The following SHISA9 variants were observed in gnomAD, a reference collection of about 807,000 sequenced individuals.
The protein encoded by SHISA9 is shisa family member 9.
SHISA9 carries 13 observed loss-of-function variants against 38.0 expected under a neutral mutation model. That is an observed-to-expected ratio of 0.34 (90% confidence interval 0.22 to 0.54). The LOEUF is 0.54. Ranked by LOEUF, SHISA9 falls within the 20% of genes least tolerant of loss-of-function variation. The pLI is 0.91. For missense variants in SHISA9, 538 were observed against 575.8 expected, an observed-to-expected ratio of 0.93 and a Z score of 0.67; for synonymous variants, 275 against 242.0, an observed-to-expected ratio of 1.14 and a Z score of -1.27.
chr16:13,003,805 C>T (rs1304243568), intron 2 of SHISA9, among the ~76,000 whole-genome samples: 1 of 151,978 alleles, frequency 6.6e-6, no homozygotes, highest in Non-Finnish European at 1.5e-5. Context: ...TTGCAGTGAG[C>T]CGAGATCGCG....
At chr16:13,528,791 C>T in the SHISA9 span, among the ~76,000 whole-genome samples, 1 of 152,190 alleles carries the variant, frequency 6.6e-6, no homozygotes, top group Non-Finnish European at 1.5e-5. Context: ...AATGTGCCTA[C>T]GTAGTGTCTA....
the SHISA9 span, among the ~76,000 whole-genome samples, chr16:13,395,050 A>G: frequency 6.6e-6 from 1 of 151,748 alleles, no homozygotes; most frequent in South Asian, 2.1e-4. Context: ...CCAGAAGGGG[A>G]ATGATGAGGA....
the SHISA9 span, among the ~76,000 whole-genome samples, chr16:13,433,440 A>G: frequency 6.0e-4 from 91 of 152,324 alleles, 3 homozygotes; most frequent in Middle Eastern, 3.4e-3. Context: ...TATAATTGCT[A>G]TTATCTCTAT....
At chr16:13,546,075 C>T in the SHISA9 span, among the ~76,000 whole-genome samples, 5 of 152,168 alleles carry the variant, frequency 3.3e-5, no homozygotes, top group African/African-American at 1.2e-4. Flanking sequence ...CTCACTAATT[C>T]AGCCCTCTTG....
chr16:13,457,061 C>T, the SHISA9 span, among the ~76,000 whole-genome samples: 2 of 152,258 alleles, frequency 1.3e-5, no homozygotes, highest in Non-Finnish European at 2.9e-5. Flanking sequence ...AATCCCAGCA[C>T]TTTGGGAGGC....
intron 2 of SHISA9, among the ~76,000 whole-genome samples, chr16:12,928,355 G>T (rs2071420412): frequency 6.8e-6 from 1 of 147,820 alleles, no homozygotes; most frequent in African/African-American, 2.5e-5. Context: ...TGACTTTATA[G>T]GCTTTATAAT....
At chr16:12,950,335 A>T (rs948920333) in intron 2 of SHISA9, among the ~76,000 whole-genome samples, 12 of 152,228 alleles carry the variant, frequency 7.9e-5, no homozygotes, top group African/African-American at 2.9e-4. Context: ...AAGGGAGTGC[A>T]TATATCTCTT....
the SHISA9 span, among the ~76,000 whole-genome samples, chr16:13,446,571 G>A: frequency 6.6e-6 from 1 of 152,118 alleles, no homozygotes; most frequent in Non-Finnish European, 1.5e-5. Flanking sequence ...TTTGAGCTGG[G>A]GGTTAGAAGG....
the SHISA9 span, among the ~76,000 whole-genome samples, chr16:13,348,735 T>A: frequency 6.6e-6 from 1 of 151,938 alleles, no homozygotes; most frequent in African/African-American, 2.4e-5. Context: ...CTCAGGGAAG[T>A]GGGATCCTGT....
At chr16:12,919,767 C>T (rs527297081) in intron 2 of SHISA9, among the ~76,000 whole-genome samples, 11 of 152,166 alleles carry the variant, frequency 7.2e-5, no homozygotes, top group Admixed American at 2.0e-4. Context: ...TTTTCTTCAG[C>T]GGATGCTGTT....
the SHISA9 span, among the ~76,000 whole-genome samples, chr16:13,530,208 G>A: frequency 6.6e-6 from 1 of 152,214 alleles, no homozygotes; most frequent in East Asian, 1.9e-4. Context: ...GGCTGAAGCA[G>A]GAGAATCACC....
At chr16:13,432,773 A>G in the SHISA9 span, among the ~76,000 whole-genome samples, 1 of 152,172 alleles carries the variant, frequency 6.6e-6, no homozygotes, top group Non-Finnish European at 1.5e-5. Flanking sequence ...AGGGACATGG[A>G]TGAAGCTGGA....
chr16:13,025,753 T>C (rs758916341), intron 2 of SHISA9, among the ~76,000 whole-genome samples: 4 of 152,194 alleles, frequency 2.6e-5, no homozygotes, highest in Non-Finnish European at 5.9e-5. Context: ...TTTTTACTTT[T>C]TATTTTTACT....
In SHISA9 at chr16:13,240,305, A is replaced by C. The variant is rs939837578; in HGVS notation, c.*4896A>C. 6.6e-6 allele frequency: 1 copy of C among 152,256 alleles called. No individual in the cohort carries two copies. The highest frequency in any genetic ancestry group is 2.4e-5 in the African/African-American group (1 of 41,470). 9.4% of individuals were successfully genotyped at this position (152,256 alleles called of 1,614,324 possible). The stretch of plus-strand genomic sequence containing the variant: ...TTATGATACGAATAATTCTTCCTAC[A>C]ATGAAGAAAAAAACACATTTGTTTG... On this transcript the variant is annotated 3_prime_UTR_variant, in exon 5 of 5. Transcript: ENST00000558583.
chr16:13,453,509 C>G, the SHISA9 span, among the ~76,000 whole-genome samples: 3 of 152,208 alleles, frequency 2.0e-5, no homozygotes, highest in African/African-American at 4.8e-5. Context: ...GTCATGAGAA[C>G]AAGCCTGGGC....
chr16:13,044,514 T>G (rs1369217240), intron 2 of SHISA9, among the ~76,000 whole-genome samples: 2 of 152,202 alleles, frequency 1.3e-5, no homozygotes, highest in Non-Finnish European at 2.9e-5. Context: ...TCTTACAGAT[T>G]AGTGGGCACA....
the SHISA9 span, among the ~76,000 whole-genome samples, chr16:13,394,362 G>A: frequency 1.3e-5 from 2 of 152,198 alleles, no homozygotes; most frequent in East Asian, 3.9e-4. Context: ...TGCTGCCAAA[G>A]CTGACTGATG....
intron 4 of SHISA9, among the ~76,000 whole-genome samples, chr16:13,216,287 G>C (rs891096928): frequency 8.0e-5 from 12 of 150,868 alleles, no homozygotes; most frequent in African/African-American, 2.7e-4. Flanking sequence ...TGCTAGTCTT[G>C]TTGTCTTCAA....
chr16:13,070,158 G>A (rs995411715), intron 2 of SHISA9, among the ~76,000 whole-genome samples: 1 of 149,458 alleles, frequency 6.7e-6, no homozygotes, highest in Non-Finnish European at 1.5e-5. Context: ...GTGTGTGCAC[G>A]CATGTGTCTG....
Sources: allele counts gnomAD v4.1 joint callset (sites outside exome capture counted in the v4.1 genomes callset), GRCh38; gene constraint gnomAD v4.1.1; transcripts MANE v1.5; gene names NCBI Gene and HGNC (gene_info 2026-07-23, HGNC 2026-07-21).